P3H4: variants seen among roughly 807,000 people sequenced by gnomAD.
The protein encoded by P3H4 is endoplasmic reticulum protein SC65.
In P3H4, 47 loss-of-function variants were observed where a neutral mutation model predicts 52.9. The observed-to-expected ratio is 0.89, with a 90% confidence interval of 0.70 to 1.13. P3H4 has a LOEUF of 1.13. Ranked by LOEUF, P3H4 falls within the 50% of genes most tolerant of loss-of-function variation. P3H4 has a pLI of 0.00. For synonymous variants in P3H4, 256 were observed against 267.9 expected, an observed-to-expected ratio of 0.96 and a Z score of 0.44; for missense variants, 585 against 611.0, an observed-to-expected ratio of 0.96 and a Z score of 0.45.
chr17:41,803,548 C>T, intron 6 of P3H4, 117 bp from the exon 7 acceptor site: 1 of 886,696 alleles, frequency 1.1e-6, no homozygotes, highest in Non-Finnish European at 1.7e-6. Flanking sequence ...AAAGCCCCTC[C>T]CCCTCCCCAG....
rs1339812749 is a variant in P3H4 at position 41,807,853 on chromosome 17, G to A, written c.1062+6C>T. 1 of 1,610,286 alleles carries A rather than the reference G, an allele frequency of 6.2e-7. No homozygotes were observed. The highest frequency in any genetic ancestry group is 8.5e-7 in the Non-Finnish European group (1 of 1,178,486). ...TCCAGCAAGTGCCCCAGAAAGCAGT[G>A]CCCACCTCCCGGGGCTGGAAGTCCT... On this transcript the variant is annotated splice_donor_region_variant and intron_variant, in intron 5 of 7. Coordinates refer to ENST00000393928, the MANE Select transcript of P3H4 (RefSeq NM_006455.3).
intron 7 of P3H4, 46 bp downstream of exon 7, chr17:41,803,241 C>A (rs1555613731): frequency 6.3e-7 from 1 of 1,587,352 alleles, no homozygotes; most frequent in South Asian, 1.1e-5. Flanking sequence ...TCCCCAACCT[C>A]CATCCCAGGC....
chr17:41,808,143 A>C, intron 4 of P3H4, 139 bp from the exon 5 acceptor site: 1 of 1,077,188 alleles, frequency 9.3e-7, no homozygotes, highest in Non-Finnish European at 1.3e-6. Context: ...CCCAAGCATA[A>C]TGCCAGCTAG....
intron 3 of P3H4, 76 bp downstream of exon 3, chr17:41,810,787 G>A (rs111439094): frequency 2.3e-5 from 35 of 1,516,474 alleles, no homozygotes; most frequent in Middle Eastern, 1.8e-4. Context: ...AGTGCTCCAC[G>A]TGCATGAAGG....
At position 41,811,922 on chromosome 17, in the gene P3H4, C is replaced by T; in HGVS notation, c.-7G>A. 10 of 1,499,784 alleles carry T rather than the reference C, an allele frequency of 6.7e-6. No homozygotes were observed. Among genetic ancestry groups the T allele is most frequent in the Non-Finnish European group, 8.8e-6 (10 of 1,133,328 alleles). The allele number at this position is 1,499,784 out of a possible 1,614,324, so 92.9% of individuals were successfully genotyped here. On this transcript the variant is annotated 5_prime_UTR_variant, in exon 1 of 8. Coordinates refer to ENST00000393928, the MANE Select transcript of P3H4 (RefSeq NM_006455.3). The surrounding 1 kb of genome is among the most constrained non-coding windows in gnomAD (Gnocchi z 4.8). ...CCCACGCCACCCGAGCCATGCCCGC[C>T]GCGCCGCCGGCTCTCCGGAGCTGAG...
At chr17:41,806,683 C>T in intron 6 of P3H4, 113 bp downstream of exon 6, 1 of 829,652 alleles carries the variant, frequency 1.2e-6, no homozygotes, top group Non-Finnish European at 2.0e-6. Context: ...CTCTCTTCTT[C>T]ACGACAGCTG....
At chr17:41,807,352 G>T (rs1211041863) in intron 5 of P3H4, 2 of 184,694 alleles carry the variant, frequency 1.1e-5, no homozygotes, top group Admixed American at 1.1e-4. Flanking sequence ...TGAGGCAATA[G>T]ATTAGGAAAG....
intron 4 of P3H4, 84 bp from the exon 5 acceptor site, chr17:41,808,088 G>A: frequency 6.6e-7 from 1 of 1,503,920 alleles, no homozygotes; most frequent in Non-Finnish European, 9.0e-7. Context: ...CAGCACCCCT[G>A]CTACCCAGCC....
chr17:41,811,576 C>G lies in P3H4; in HGVS notation c.340G>C (p.Ala114Pro). 6.2e-7 allele frequency: 1 copy of G among 1,601,012 alleles called. No individual in the cohort carries two copies. The highest frequency in any genetic ancestry group is 8.5e-7 in the Non-Finnish European group (1 of 1,175,532). The change falls in exon 1 of 8, where the codon GCC becomes CCC. Residue 114 changes from alanine (A) to proline (P), a missense_variant. By Grantham distance (27) the Ala-to-Pro change is conservative (BLOSUM62 -1). Transcript: ENST00000393928. This position sits in a 1 kb window ranked among gnomAD's most constrained non-coding sequence, Gnocchi z 4.8. ...GTCCGCTTGCAGCGCCGCAGGCAGG[C>G]GGCTCGCTCCAGGACGCGGCCGAAG... ...RLFGRVLERA[A>P]CLRRCKRTLP...
In P3H4 at chr17:41,811,931, G is replaced by A. The variant is rs782486764; in HGVS notation, c.-16C>T. 6.7e-7 allele frequency: 1 copy of A among 1,494,798 alleles called. No homozygotes were observed. Among genetic ancestry groups the A allele is most frequent in the Non-Finnish European group, 8.8e-7 (1 of 1,130,600 alleles). 92.6% of individuals were successfully genotyped at this position (1,494,798 alleles called of 1,614,324 possible). On this transcript the variant is annotated 5_prime_UTR_variant, in exon 1 of 8. Coordinates refer to ENST00000393928, the MANE Select transcript of P3H4 (RefSeq NM_006455.3). This position sits in a 1 kb window ranked among gnomAD's most constrained non-coding sequence, Gnocchi z 4.8. ...CCCGAGCCATGCCCGCCGCGCCGCC[G>A]GCTCTCCGGAGCTGAGCTGGCTGCC...
Position 41,811,397 on chromosome 17 carries a change from G to C in P3H4, c.462+57C>G. The C allele has an allele frequency of 6.2e-7, 1 of 1,607,380 alleles. No individual in the cohort carries two copies. The highest frequency in any genetic ancestry group is 1.1e-5 in the South Asian group (1 of 90,856). ...AAGATAACGCTCCTTCGACCGATCT[G>C]TGGGGAGCCACGACGCCCAGCCCGA... On this transcript the variant is annotated intron_variant, in intron 1 of 7. Coordinates refer to ENST00000393928, the MANE Select transcript of P3H4 (RefSeq NM_006455.3). The surrounding 1 kb of genome is among the most constrained non-coding windows in gnomAD (Gnocchi z 4.8).
intron 5 of P3H4, 200 bp from the exon 6 acceptor site, chr17:41,807,079 A>C: frequency 1.7e-6 from 1 of 577,430 alleles, no homozygotes; most frequent in Non-Finnish European, 3.1e-6. Context: ...GGTGACAAAG[A>C]GTCCCTCAAT....
intron 4 of P3H4, 148 bp from the exon 5 acceptor site, chr17:41,808,152 A>G (rs537528284): frequency 9.2e-6 from 9 of 978,496 alleles, no homozygotes; most frequent in Non-Finnish European, 1.3e-5. Flanking sequence ...AATGCCAGCT[A>G]GCATGTAGTG....
rs1428198564 is a variant in P3H4, at chr17:41,811,022, G to A, written c.628C>T (p.Arg210Trp). 1.1e-5 allele frequency: 17 copies of A among 1,612,546 alleles called. No homozygotes were observed. In the East Asian group the frequency reaches 1.3e-4, roughly 13 times the overall value. ...EAQPYEAVFL[R>W]AVKLYNSGDF... ...CCGCTGTTGTAGAGCTTCACAGCCC[G>A]GAGGAACACGGCCTGGAAGGGGCGT... Residue 210 changes from arginine to tryptophan, a missense_variant, in exon 3 of 8, where the codon CGG becomes TGG. Coordinates refer to ENST00000393928, the MANE Select transcript of P3H4 (RefSeq NM_006455.3). This position sits in a 1 kb window ranked among gnomAD's most constrained non-coding sequence, Gnocchi z 4.8.
Position 41,811,754 on chromosome 17 carries a change from C to T in P3H4, c.162G>A (p.Glu54=). 1.3e-6 allele frequency: 2 copies of T among 1,522,592 alleles called. No individual in the cohort carries two copies. Among genetic ancestry groups the T allele is most frequent in the Non-Finnish European group, 1.7e-6 (2 of 1,147,240 alleles). 94.3% of individuals were successfully genotyped at this position (1,522,592 alleles called of 1,614,324 possible). Residue 54 remains glutamate (E), a synonymous_variant, in exon 1 of 8, where the codon GAG becomes GAA. Transcript: ENST00000393928. The surrounding 1 kb of genome is among the most constrained non-coding windows in gnomAD (Gnocchi z 4.8). The part of the protein sequence containing the change: ...LEQYEGESWR[E]SARYLEAALR... ...GCGCCGCCTCCAGGTAGCGCGCGCT[C>T]TCGCGCCAGCTCTCTCCCTCGTACT...
chr17:41,802,810 C>A lies in P3H4; in HGVS notation c.*147G>T. ...CAAGTGATCCACCCACCTTGGCCTC[C>A]CAAAATGCTGGGATTACAGGTGTGA... On this transcript the variant is annotated 3_prime_UTR_variant, in exon 8 of 8. Transcript: ENST00000393928. The A allele has an allele frequency of 1.2e-6, 1 of 819,236 alleles. No homozygotes were observed. The highest frequency in any genetic ancestry group is 1.6e-5 in the South Asian group (1 of 63,452). The allele number at this position is 819,236 out of a possible 1,614,324, so 50.7% of individuals were successfully genotyped here.
In P3H4 at chr17:41,811,399, G is replaced by A. The variant is rs2047735123; in HGVS notation, c.462+55C>T. ...GATAACGCTCCTTCGACCGATCTGT[G>A]GGGAGCCACGACGCCCAGCCCGAGA... On this transcript the variant is annotated intron_variant, in intron 1 of 7. Transcript: ENST00000393928. This position sits in a 1 kb window ranked among gnomAD's most constrained non-coding sequence, Gnocchi z 4.8. The A allele has an allele frequency of 6.8e-6, 11 of 1,606,872 alleles. No homozygotes were observed. The highest frequency in any genetic ancestry group is 1.6e-4 in the Middle Eastern group (1 of 6,074).
In P3H4 at chr17:41,809,716, G is replaced by A. The variant is rs2047709533; in HGVS notation, c.906C>T (p.Ala302=). 1 of 1,613,132 alleles carries A rather than the reference G, an allele frequency of 6.2e-7. No homozygotes were observed. The highest frequency in any genetic ancestry group is 1.7e-5 in the Admixed American group (1 of 59,976). ...VATMYHYLQF[A]YYKLNDVRQA... ...ACCCAGGGGGCTCACACTTATAGTAGGCAAACTGCAGGTAGTGGTACATGG... is the reference window on the plus strand; with the variant it reads ...ACCCAGGGGGCTCACACTTATAGTAAGCAAACTGCAGGTAGTGGTACATGG... The change falls in exon 4 of 8, where the codon GCC becomes GCT. Residue 302 remains alanine, a synonymous_variant. Coordinates refer to ENST00000393928, the MANE Select transcript of P3H4 (RefSeq NM_006455.3).
chr17:41,802,898 G>A lies in P3H4; in HGVS notation c.*59C>T. The A allele has an allele frequency of 6.4e-7, 1 of 1,557,854 alleles. No homozygotes were observed. The highest frequency in any genetic ancestry group is 8.8e-7 in the Non-Finnish European group (1 of 1,132,768). On this transcript the variant is annotated 3_prime_UTR_variant, in exon 8 of 8. Coordinates refer to ENST00000393928, the MANE Select transcript of P3H4 (RefSeq NM_006455.3). The stretch of plus-strand genomic sequence containing the variant: ...AGTTCTTGCTGCTGCCCAGGCTGGT[G>A]AGGGTGGGGCCATCGGCACCAGGCT...
Sources: gnomAD v4.1 joint callset for allele counts on GRCh38, gnomAD v4.1.1 for gene constraint, Gnocchi (gnomAD v3.1) non-coding constraint, MANE v1.5 for transcripts, NCBI Gene and HGNC (gene_info 2026-07-23, HGNC 2026-07-21) for gene names.